Variants in TIAM1 observed in about 807,000 individuals in gnomAD.
The protein encoded by TIAM1 is rho guanine nucleotide exchange factor TIAM1.
In TIAM1, 65 loss-of-function variants were observed where a neutral mutation model predicts 163.5. That is an observed-to-expected ratio of 0.40 (90% CI 0.33 to 0.49). TIAM1 has a LOEUF of 0.49. Among genes scored for constraint, TIAM1 ranks in the 20% least tolerant of loss-of-function variants. The pLI is 0.77. For missense variants in TIAM1, 1,789 were observed against 2,044.7 expected (o/e 0.87, Z 2.41); for synonymous variants, 833 against 810.1 (o/e 1.03, Z -0.48).
At chr21:31,321,708 C>T (rs1017663136) in intron 2 of TIAM1, among the ~76,000 whole-genome samples, 2 of 151,994 alleles carry the variant, frequency 1.3e-5, no homozygotes, top group African/African-American at 4.8e-5. Flanking sequence ...AAAAATTGCT[C>T]CTTATAACAT....
intron 1 of TIAM1, among the ~76,000 whole-genome samples, chr21:31,466,002 G>A (rs572665958): frequency 3.5e-4 from 54 of 152,330 alleles, no homozygotes; most frequent in African/African-American, 1.2e-3. Flanking sequence ...CACGGCGCCC[G>A]GCCTTCTTAC....
intron 2 of TIAM1, among the ~76,000 whole-genome samples, chr21:31,393,903 T>G (rs1178110092): frequency 6.6e-6 from 1 of 152,226 alleles, no homozygotes; most frequent in Non-Finnish European, 1.5e-5. Flanking sequence ...AGGCTTATAC[T>G]GATTCTTAAA....
intron 16 of TIAM1, among the ~76,000 whole-genome samples, chr21:31,164,186 C>A (rs1032760281): frequency 3.3e-5 from 5 of 152,074 alleles, no homozygotes; most frequent in Admixed American, 3.3e-4. Context: ...GTCAGGAGAT[C>A]GAGACCATCC....
chr21:31,237,642 A>C (rs2070962697), intron 6 of TIAM1, among the ~76,000 whole-genome samples: 1 of 152,224 alleles, frequency 6.6e-6, no homozygotes. Context: ...AATGATGAGA[A>C]AACTTTCTAT....
chr21:31,280,134 C>G (rs1412091771), intron 2 of TIAM1, among the ~76,000 whole-genome samples: 1 of 152,120 alleles, frequency 6.6e-6, no homozygotes, highest in Non-Finnish European at 1.5e-5. Flanking sequence ...CTGAAATTAC[C>G]AAGTTTTTCA....
chr21:31,168,250 G>A (rs1234715335), intron 15 of TIAM1, among the ~76,000 whole-genome samples: 1 of 151,766 alleles, frequency 6.6e-6, no homozygotes, highest in African/African-American at 2.4e-5. Context: ...CCGTCACCAC[G>A]CTGGCTAATT....
rs554968686 is a variant in TIAM1, at chr21:31,366,806, C to T, written c.-368-27384G>A. 4.6e-5 allele frequency among the ~76,000 whole-genome samples: 7 copies of T among 152,206 alleles called. No homozygotes were observed. In the East Asian group the frequency reaches 7.7e-4, roughly 17 times the overall value. On this transcript the variant is annotated intron_variant, in intron 2 of 28. Coordinates refer to the TIAM1 transcript ENST00000286827. ...CCAATTTTTCTATTTTTAACGGAGA[C>T]GGGGTTTCGCCATGTTGGCCAGGCT... is the stretch of plus-strand genomic sequence containing the variant.
intron 16 of TIAM1, among the ~76,000 whole-genome samples, chr21:31,155,642 C>G (rs1325676523): frequency 1.3e-5 from 2 of 152,110 alleles, no homozygotes; most frequent in Admixed American, 1.3e-4. Context: ...GCAGCTGGGA[C>G]TACAGGCGCC....
intron 6 of TIAM1, among the ~76,000 whole-genome samples, chr21:31,231,292 G>C (rs765282628): frequency 9.9e-5 from 15 of 152,182 alleles, no homozygotes; most frequent in Non-Finnish European, 1.9e-4. Flanking sequence ...TATCCATCCT[G>C]ACTGATCTAC....
chr21:31,476,044 C>A (rs1365290002), intron 1 of TIAM1, among the ~76,000 whole-genome samples: 1 of 152,216 alleles, frequency 6.6e-6, no homozygotes, highest in Non-Finnish European at 1.5e-5. Flanking sequence ...GAATATAAAT[C>A]ATCTTCAATT....
chr21:31,342,579 A>G (rs2076054038), intron 1 of TIAM1, among the ~76,000 whole-genome samples: 1 of 152,348 alleles, frequency 6.6e-6, no homozygotes, highest in East Asian at 1.9e-4. Context: ...AGTCAGTTTC[A>G]CCAGCATTAT....
chr21:31,307,695 A>C (rs1454895082), intron 2 of TIAM1, among the ~76,000 whole-genome samples: 1 of 152,106 alleles, frequency 6.6e-6, no homozygotes, highest in Non-Finnish European at 1.5e-5. Flanking sequence ...CAAGGAGCTC[A>C]AGTCTAGCAA....
chr21:31,386,318 T>C lies in TIAM1; in HGVS notation c.-368-46896A>G, dbSNP rs921309258. Reference sequence around the variant, plus strand: ...GCCCTGCCCCTGGCTTCTCAGGGAATGGAGACCCACTCACCCTCCCTTCTT... The same window carrying C: ...GCCCTGCCCCTGGCTTCTCAGGGAACGGAGACCCACTCACCCTCCCTTCTT... On this transcript the variant is annotated intron_variant, in intron 2 of 28. Transcript: ENST00000286827. Among the ~76,000 whole-genome samples the C allele has an allele frequency of 4.0e-4, 61 of 152,112 alleles. 1 individual carries two copies. The highest frequency in any genetic ancestry group is 1.3e-3 in the African/African-American group (55 of 41,426).
intron 1 of TIAM1, among the ~76,000 whole-genome samples, chr21:31,549,851 T>C: frequency 6.6e-6 from 1 of 152,112 alleles, no homozygotes; most frequent in East Asian, 1.9e-4. Flanking sequence ...AGGCCGGGCG[T>C]GGTGGCTCAC....
At chr21:31,338,151 A>T (rs2075904607) in intron 2 of TIAM1, among the ~76,000 whole-genome samples, 1 of 152,206 alleles carries the variant, frequency 6.6e-6, no homozygotes, top group Admixed American at 6.5e-5. Flanking sequence ...AGGAGTGGCT[A>T]CGCTGCTGTG....
At chr21:31,419,524 C>G (rs1225314518) in intron 2 of TIAM1, among the ~76,000 whole-genome samples, 2 of 152,210 alleles carry the variant, frequency 1.3e-5, no homozygotes, top group Admixed American at 1.3e-4. Flanking sequence ...TGTCCAGACG[C>G]TGATGACAGC....
At chr21:31,264,148 C>T (rs986757769) in intron 4 of TIAM1, among the ~76,000 whole-genome samples, 1 of 152,032 alleles carries the variant, frequency 6.6e-6, no homozygotes, top group African/African-American at 2.4e-5. Flanking sequence ...TCCTTAGAGT[C>T]AAGGGGTACA....
chr21:31,456,255 G>C (rs1478806768), intron 2 of TIAM1, among the ~76,000 whole-genome samples: 1 of 152,204 alleles, frequency 6.6e-6, no homozygotes, highest in Non-Finnish European at 1.5e-5. Context: ...ATCATTTCTG[G>C]AAGGGTGCAG....
At chr21:31,337,789 C>G (rs1287660910) in intron 2 of TIAM1, among the ~76,000 whole-genome samples, 1 of 152,030 alleles carries the variant, frequency 6.6e-6, no homozygotes, top group African/African-American at 2.4e-5. Flanking sequence ...CTCGGCCTCC[C>G]TAACTGCTGG....
Sources: gnomAD v4.1 joint callset for allele counts (sites outside exome capture counted in the v4.1 genomes callset) on GRCh38, gnomAD v4.1.1 for gene constraint, MANE v1.5 for transcripts, NCBI Gene and HGNC (gene_info 2026-07-23, HGNC 2026-07-21) for gene names.